Variants in BRWD1 observed in about 807,000 individuals in gnomAD.
BRWD1 encodes bromodomain and WD repeat domain containing 1.
BRWD1 carries 82 observed loss-of-function variants against 251.2 expected under a neutral mutation model. The observed-to-expected ratio is 0.33, with a 90% confidence interval of 0.27 to 0.39. The LOEUF is 0.39. BRWD1 is among the 10% of genes least tolerant of loss of function. BRWD1 has a pLI of 1.00. For missense variants in BRWD1, 2,233 were observed against 2,711.6 expected (o/e 0.82, Z 3.92); for synonymous variants, 918 against 902.8 (o/e 1.02, Z -0.30).
At chr21:39,269,773 T>C in intron 15 of BRWD1, 126 bp downstream of exon 15, 1 of 742,992 alleles carries the variant, frequency 1.3e-6, no homozygotes, top group Non-Finnish European at 1.9e-6. Flanking sequence ...TTAGCAGGCT[T>C]TGAATATGCT....
intron 23 of BRWD1, 115 bp from the exon 24 acceptor site, chr21:39,232,613 T>C (rs186235817): frequency 9.9e-6 from 12 of 1,213,130 alleles, no homozygotes; most frequent in Non-Finnish European, 1.2e-5. Context: ...GCCATGTCCA[T>C]CTAATGATTA....
At chr21:39,255,470 C>T (rs1431798671) in intron 19 of BRWD1, among the ~76,000 whole-genome samples, 175 bp downstream of exon 19, 6 of 151,294 alleles carry the variant, frequency 4.0e-5, no homozygotes, top group African/African-American at 9.7e-5. Flanking sequence ...GTAGTAAAAA[C>T]ATTAGAGAAT....
chr21:39,210,638 A>C (rs973995104), intron 35 of BRWD1, 148 bp downstream of exon 35: 160 of 882,872 alleles, frequency 1.8e-4, no homozygotes, highest in Non-Finnish European at 2.4e-4. Flanking sequence ...CTATGTAAAA[A>C]CAATACTTCT....
chr21:39,226,716 G>T (rs1341409216), intron 27 of BRWD1, among the ~76,000 whole-genome samples: 1 of 151,548 alleles, frequency 6.6e-6, no homozygotes, highest in Non-Finnish European at 1.5e-5. Context: ...TTGTGTAGAT[G>T]TTACCAGGAG....
intron 8 of BRWD1, among the ~76,000 whole-genome samples, chr21:39,292,604 A>G (rs1205410856): frequency 4.6e-5 from 7 of 152,210 alleles, no homozygotes; most frequent in Admixed American, 4.6e-4. Flanking sequence ...CACATTAAAG[A>G]GAACCACTGC....
intron 34 of BRWD1, 34 bp from the exon 35 acceptor site, chr21:39,210,963 C>T (rs769585534): frequency 1.3e-6 from 2 of 1,598,276 alleles, no homozygotes; most frequent in Admixed American, 1.8e-5. Flanking sequence ...AGAAAAATCA[C>T]ACTATTGGTG....
intron 8 of BRWD1, among the ~76,000 whole-genome samples, chr21:39,286,016 C>CTTTTTTTTT (rs57151774): frequency 0.095 from 9,961 of 104,660 alleles, 2,165 homozygotes; most frequent in African/African-American, 0.29. Flanking sequence ...ACCATATGAA[C>CTTTTTTTTT]TTTTTTTTTT....
chr21:39,191,189 G>A lies in BRWD1; in HGVS notation c.*5070C>T. ...TACTGTACTACTGGAAAGAAACCAG[G>A]CCACAGACAATCCAATGGCAAACCC... On this transcript the variant is annotated 3_prime_UTR_variant, in exon 41 of 41. Coordinates refer to ENST00000342449, the MANE Select transcript of BRWD1 (RefSeq NM_033656.4). 1 of 985,226 alleles carries A rather than the reference G, an allele frequency of 1.0e-6. No individual in the cohort carries two copies. 61.0% of individuals were successfully genotyped at this position (985,226 alleles called of 1,614,324 possible).
At chr21:39,316,530 G>A (rs776883874), upstream of BRWD1, among the ~76,000 whole-genome samples, 11 of 152,170 alleles carry the variant, frequency 7.2e-5, no homozygotes, top group South Asian at 2.1e-4. Context: ...TAACAAGGGC[G>A]TAAGATTAAA....
chr21:39,237,367 G>C (rs927906321), intron 22 of BRWD1, among the ~76,000 whole-genome samples: 1 of 151,750 alleles, frequency 6.6e-6, no homozygotes, highest in Non-Finnish European at 1.5e-5. Flanking sequence ...GAGGAAACTA[G>C]TTATAGAAAA....
In BRWD1 at chr21:39,218,450, C is replaced by T. The variant is rs1023225458; in HGVS notation, c.3538+55G>A. On this transcript the variant is annotated intron_variant, in intron 30 of 40. Coordinates refer to ENST00000342449, the MANE Select transcript of BRWD1 (RefSeq NM_033656.4). ...CAATTATGCTAGTATTTTTAAATAC[C>T]TTTATGAAAAAAATTGAAAAAAAAA... The T allele has an allele frequency of 1.0e-5, 15 of 1,489,602 alleles. No homozygotes were observed. The African/African-American group carries it at 2.0e-4, about 20-fold the overall frequency. 92.3% of individuals were successfully genotyped at this position (1,489,602 alleles called of 1,614,324 possible).
chr21:39,213,341 C>A, intron 33 of BRWD1, 140 bp downstream of exon 33: 1 of 728,040 alleles, frequency 1.4e-6, no homozygotes, highest in African/African-American at 1.8e-5. Context: ...CTAGAAAATT[C>A]AAAAATATAA....
chr21:39,311,390 A>G (rs1198976605), intron 4 of BRWD1, among the ~76,000 whole-genome samples: 2 of 152,154 alleles, frequency 1.3e-5, no homozygotes, highest in Non-Finnish European at 2.9e-5. Context: ...CCTGGCCTCA[A>G]GTGATCCTCC....
chr21:39,313,311 C>G lies in BRWD1; in HGVS notation c.50-12G>C. 6.5e-7 allele frequency: 1 copy of G among 1,538,170 alleles called. No individual in the cohort carries two copies. Among genetic ancestry groups the G allele is most frequent in the African/African-American group, 1.4e-5 (1 of 70,630 alleles). The stretch of plus-strand genomic sequence containing the variant: ...AAGGAAGTACAGCTCTGCGGGAAGA[C>G]AAGGAGTCAGGTCAAGCCCCGGCGG... On this transcript the variant is annotated splice_polypyrimidine_tract_variant and intron_variant, in intron 1 of 40. Transcript: ENST00000342449.
intron 19 of BRWD1, among the ~76,000 whole-genome samples, chr21:39,253,217 AG>A (rs1358205010): frequency 2.2e-5 from 3 of 139,122 alleles, no homozygotes; most frequent in African/African-American, 7.9e-5. Context: ...TGAGCCCAGG[AG>A]GAGAGGCTGC....
chr21:39,312,951 G>A, intron 3 of BRWD1, 51 bp from the exon 4 acceptor site: 1 of 356,814 alleles, frequency 2.8e-6, no homozygotes, highest in Non-Finnish European at 4.1e-6. Flanking sequence ...GCGCGGGGGG[G>A]GCGGGGGGCG....
At chr21:39,231,376 A>G (rs1050884218) in intron 25 of BRWD1, among the ~76,000 whole-genome samples, 50 of 152,246 alleles carry the variant, frequency 3.3e-4, no homozygotes, top group African/African-American at 1.1e-3. Context: ...CATTCAACAA[A>G]TATTTTTCAA....
intron 21 of BRWD1, among the ~76,000 whole-genome samples, chr21:39,241,249 T>C (rs1214546124): frequency 6.6e-6 from 1 of 151,562 alleles, no homozygotes; most frequent in Non-Finnish European, 1.5e-5. Flanking sequence ...GCAGATCACT[T>C]GAGGTCAGGA....
At chr21:39,240,710 G>A (rs528760217) in intron 21 of BRWD1, among the ~76,000 whole-genome samples, 1 of 152,252 alleles carries the variant, frequency 6.6e-6, no homozygotes, top group South Asian at 2.1e-4. Flanking sequence ...CATATGGAGT[G>A]ATCTCAAAGA....
Sources: allele counts gnomAD v4.1 joint callset (sites outside exome capture counted in the v4.1 genomes callset), GRCh38; gene constraint gnomAD v4.1.1; transcripts MANE v1.5; gene names NCBI Gene and HGNC (gene_info 2026-07-23, HGNC 2026-07-21).